Variants in LRRC37A2 observed in about 807,000 individuals in gnomAD.
LRRC37A2 encodes leucine-rich repeat-containing protein 37A2.
A neutral mutation model predicts 68.8 loss-of-function variants in LRRC37A2; 9 were observed. That is an observed-to-expected ratio of 0.13 (90% confidence interval 0.08 to 0.23). The LOEUF is 0.23. Among genes scored for constraint, LRRC37A2 ranks in the 10% least tolerant of loss-of-function variants. LRRC37A2 has a pLI of 1.00. For missense variants in LRRC37A2, 168 were observed against 950.4 expected (o/e 0.18, Z 10.82); for synonymous variants, 63 against 367.6 (o/e 0.17, Z 9.48).
chr17:46,739,283 A>G, the LRRC37A2 span, among the ~76,000 whole-genome samples: 1 of 148,716 alleles, frequency 6.7e-6, no homozygotes, highest in Admixed American at 6.9e-5. Flanking sequence ...AGGCAGGAGA[A>G]TCGCTTGAAC....
chr17:46,833,077 A>G, the LRRC37A2 span: 2 of 354,752 alleles, frequency 5.6e-6, no homozygotes, highest in Non-Finnish European at 1.1e-5. Context: ...AGAGTCCACC[A>G]CACAGCCAGG....
chr17:46,862,757 T>C, the LRRC37A2 span, among the ~76,000 whole-genome samples: 1 of 152,156 alleles, frequency 6.6e-6, no homozygotes, highest in South Asian at 2.1e-4. Context: ...TAATTTTTTG[T>C]ATCTTTAGTA....
the LRRC37A2 span, among the ~76,000 whole-genome samples, chr17:47,016,312 CCTT>C: frequency 6.6e-6 from 1 of 151,170 alleles, no homozygotes; most frequent in East Asian, 1.9e-4. Flanking sequence ...AGATGAAGCA[CCTT>C]CTTGGAGTTT....
At chr17:46,768,261 C>T in the LRRC37A2 span, 1 of 1,609,924 alleles carries the variant, frequency 6.2e-7, no homozygotes, top group Non-Finnish European at 8.5e-7. This position sits in a 1 kb window ranked among gnomAD's most constrained non-coding sequence, Gnocchi z 5.0. Context: ...CAAACAACCC[C>T]ATTCCCTGCG....
the LRRC37A2 span, among the ~76,000 whole-genome samples, chr17:46,585,194 G>A: frequency 3.4e-5 from 5 of 148,556 alleles, 1 homozygote; most frequent in Middle Eastern, 3.4e-3. Flanking sequence ...GTGCGTGCGT[G>A]TAAATCTCAA....
At chr17:46,502,856 C>T in the LRRC37A2 span, among the ~76,000 whole-genome samples, 7 of 150,860 alleles carry the variant, frequency 4.6e-5, no homozygotes, top group South Asian at 8.3e-4. Flanking sequence ...CTAGATGTTC[C>T]GAAAGTCTCC....
chr17:46,818,632 C>T, the LRRC37A2 span: 1 of 1,559,300 alleles, frequency 6.4e-7, no homozygotes, highest in Non-Finnish European at 8.7e-7. Context: ...TTGCCCGCGA[C>T]CATGAAGAGG....
the LRRC37A2 span, among the ~76,000 whole-genome samples, chr17:46,492,831 C>T: frequency 6.7e-6 from 1 of 149,960 alleles, no homozygotes; most frequent in Non-Finnish European, 1.5e-5. Flanking sequence ...GTAGCTGGGA[C>T]TACAGGCGTC....
chr17:46,712,469 C>T, the LRRC37A2 span, among the ~76,000 whole-genome samples: 2 of 151,972 alleles, frequency 1.3e-5, no homozygotes, highest in South Asian at 2.1e-4. Flanking sequence ...ATACATAGCC[C>T]GATAAATGGT....
chr17:46,728,812 C>T, the LRRC37A2 span: 11 of 1,278,304 alleles, frequency 8.6e-6, no homozygotes, highest in Non-Finnish European at 1.1e-5. Flanking sequence ...GGAATATGTA[C>T]ATGTGTATCA....
At chr17:46,631,090 A>ACACACG in the LRRC37A2 span, among the ~76,000 whole-genome samples, 1 of 145,988 alleles carries the variant, frequency 6.8e-6, no homozygotes, top group African/African-American at 2.8e-5. Flanking sequence ...ACACACACAC[A>ACACACG]CACACACACA....
the LRRC37A2 span, among the ~76,000 whole-genome samples, chr17:46,479,148 TG>T: frequency 5.5e-5 from 2 of 36,596 alleles, no homozygotes; most frequent in Non-Finnish European, 1.2e-4. Context: ...AATAAAAGCC[TG>T]AACAGTTAGG....
chr17:46,946,293 A>G, the LRRC37A2 span, among the ~76,000 whole-genome samples: 1 of 64,618 alleles, frequency 1.5e-5, no homozygotes, highest in African/African-American at 4.0e-5. Context: ...AAAAAAAAAA[A>G]AAAAAAAAAG....
At chr17:47,022,380 G>A in the LRRC37A2 span, among the ~76,000 whole-genome samples, 1 of 149,044 alleles carries the variant, frequency 6.7e-6, no homozygotes, top group Non-Finnish European at 1.5e-5. Context: ...ATGCTGCTTA[G>A]GCTGGTCTTG....
chr17:46,735,466 T>TA, the LRRC37A2 span, among the ~76,000 whole-genome samples: 663 of 141,730 alleles, frequency 4.7e-3, 5 homozygotes, highest in East Asian at 0.015. Context: ...ACTTGAGGTT[T>TA]AAAAAAAAAA....
the LRRC37A2 span, among the ~76,000 whole-genome samples, chr17:46,666,153 ATATACT>A: frequency 2.7e-5 from 4 of 147,960 alleles, no homozygotes; most frequent in African/African-American, 1.0e-4. Context: ...TGGAAAATAA[ATATACT>A]TATGATAGAG....
At chr17:46,751,220 C>T in the LRRC37A2 span, among the ~76,000 whole-genome samples, 1 of 151,050 alleles carries the variant, frequency 6.6e-6, no homozygotes, top group African/African-American at 2.4e-5. Context: ...AAAATTTTAA[C>T]TTATATTTAT....
the LRRC37A2 span, among the ~76,000 whole-genome samples, chr17:46,989,078 T>C: frequency 1.3e-5 from 2 of 152,112 alleles, no homozygotes; most frequent in Non-Finnish European, 2.9e-5. Context: ...TGCTCGAGCA[T>C]AGGAAATCAT....
chr17:46,884,952 A>C, the LRRC37A2 span: 1 of 393,194 alleles, frequency 2.5e-6, no homozygotes, highest in Non-Finnish European at 5.0e-6. Context: ...CCACTCCTGC[A>C]ACCCATCAAA....
Sources: gnomAD v4.1 joint callset for allele counts (sites outside exome capture counted in the v4.1 genomes callset) on GRCh38, gnomAD v4.1.1 for gene constraint, Gnocchi (gnomAD v3.1) non-coding constraint, MANE v1.5 for transcripts, NCBI Gene and HGNC (gene_info 2026-07-23, HGNC 2026-07-21) for gene names.